Variants in PCDHA10 observed in about 807,000 individuals in gnomAD.
PCDHA10 encodes the protein protocadherin alpha-10.
A neutral mutation model predicts 61.2 loss-of-function variants in PCDHA10; 45 were observed. The ratio of observed to expected loss-of-function variants is 0.74; its 90% CI spans 0.58 to 0.94. PCDHA10 has a LOEUF of 0.94. PCDHA10 is among the 40% of genes least tolerant of loss of function. The pLI is 0.00. For missense variants in PCDHA10, 1,278 were observed against 1,236.2 expected (o/e 1.03, Z -0.51); for synonymous variants, 602 against 548.8 (o/e 1.10, Z -1.35).
At chr5:140,883,759 G>A (rs1554179777) in intron 1 of PCDHA10, 1 of 1,612,704 alleles carries the variant, frequency 6.2e-7, no homozygotes, top group African/African-American at 1.3e-5. Context: ...TGGTGGAGCG[G>A]CGGGTGGGCG....
rs2044426953 is a variant in PCDHA10, at chr5:140,857,218, T to C, written c.1170T>C (p.Pro390=). The C allele has an allele frequency of 6.3e-7, 1 of 1,598,352 alleles. No homozygotes were observed. The highest frequency in any genetic ancestry group is 1.3e-5 in the African/African-American group (1 of 74,276). Residue 390 remains proline, a synonymous_variant, in exon 1 of 4, where the codon CCT becomes CCC. Transcript: ENST00000307360. Reference sequence around the variant, plus strand: ...GACAGGTCACCTGCTCTCTGACGCCTCACGTTCCGTTCAAGCTGGTGTCCA... The same window carrying C: ...GACAGGTCACCTGCTCTCTGACGCCCCACGTTCCGTTCAAGCTGGTGTCCA... ...ANGQVTCSLT[P]HVPFKLVSTY... is the part of the protein sequence containing the mutation.
At chr5:140,894,632 TATC>T (rs1161134901) in intron 1 of PCDHA10, among the ~76,000 whole-genome samples, 1 of 151,990 alleles carries the variant, frequency 6.6e-6, no homozygotes, top group Non-Finnish European at 1.5e-5. Context: ...TCTCCAATCA[TATC>T]ATTACTGAGT....
intron 1 of PCDHA10, chr5:140,871,538 ATTATTTAAAATCCAGTTTTTT>A (rs2053161122): frequency 1.3e-5 from 20 of 1,507,314 alleles, no homozygotes; most frequent in Non-Finnish European, 1.8e-5. Context: ...TGTATGTGAA[ATTATTTAAAATCCAGTTTTTT>A]TTCACGGATT....
rs941007574 is a variant in PCDHA10, at chr5:141,010,090, C to T, written c.*153C>T. 1.9e-6 allele frequency: 3 copies of T among 1,612,518 alleles called. No individual in the cohort carries two copies. Among genetic ancestry groups the T allele is most frequent in the Non-Finnish European group, 2.5e-6 (3 of 1,179,284 alleles). ...AAGTTCCCTGTGTCTGTCTAGAACG[C>T]ATTTAACAGGTTTTGTCGTAAAAGC... is the stretch of plus-strand genomic sequence containing the variant. On this transcript the variant is annotated 3_prime_UTR_variant, in exon 4 of 4. Coordinates refer to ENST00000307360, the MANE Select transcript of PCDHA10 (RefSeq NM_018901.4).
At chr5:140,999,494 C>G (rs2097859711) in intron 3 of PCDHA10, among the ~76,000 whole-genome samples, 1 of 152,064 alleles carries the variant, frequency 6.6e-6, no homozygotes, top group Non-Finnish European at 1.5e-5. Context: ...CTATGTTACC[C>G]AAGAACCTAC....
intron 1 of PCDHA10, chr5:140,861,660 G>A: frequency 3.7e-6 from 1 of 269,190 alleles, no homozygotes; most frequent in Non-Finnish European, 7.4e-6. Context: ...TCTGAAACGA[G>A]AGCTCTTGAT....
intron 1 of PCDHA10, chr5:140,877,387 G>A: frequency 6.2e-7 from 1 of 1,614,010 alleles, no homozygotes; most frequent in Non-Finnish European, 8.5e-7. Flanking sequence ...CATCCTGGAT[G>A]AGGCGGACGC....
chr5:140,928,770 C>A, intron 1 of PCDHA10: 4 of 1,614,106 alleles, frequency 2.5e-6, no homozygotes, highest in Non-Finnish European at 2.5e-6. Context: ...TAGTTCTTCC[C>A]ACTGATGCAG....
chr5:140,975,630 G>A (rs182087841), intron 1 of PCDHA10, among the ~76,000 whole-genome samples: 16 of 152,316 alleles, frequency 1.1e-4, no homozygotes, highest in Admixed American at 3.3e-4. Flanking sequence ...TCCATGGTAC[G>A]AAGATAGCAT....
At position 140,857,918 on chromosome 5, in the gene PCDHA10, G is replaced by A; in HGVS notation, c.1870G>A (p.Gly624Arg). 3.1e-6 allele frequency: 5 copies of A among 1,597,824 alleles called. No individual in the cohort carries two copies. Among genetic ancestry groups the A allele is most frequent in the Non-Finnish European group, 4.3e-6 (5 of 1,167,518 alleles). ...AVGARIPFRVGLYTGEISTTR... is the reference protein window; with the variant it reads ...AVGARIPFRVRLYTGEISTTR... Reference sequence around the variant, plus strand: ...TGGTGCACGCATCCCGTTTCGCGTGGGGCTGTACACGGGCGAGATCAGTAC... The same window carrying A: ...TGGTGCACGCATCCCGTTTCGCGTGAGGCTGTACACGGGCGAGATCAGTAC... Residue 624 changes from glycine (G) to arginine (R), a missense_variant, in exon 1 of 4, where the codon GGG becomes AGG. Gly to Arg is a moderately radical substitution (Grantham distance 125, BLOSUM62 -2). Coordinates refer to ENST00000307360, the MANE Select transcript of PCDHA10 (RefSeq NM_018901.4).
intron 1 of PCDHA10, among the ~76,000 whole-genome samples, chr5:140,976,091 C>CAACTTTTCAA (rs2096700073): frequency 6.6e-6 from 1 of 152,166 alleles, no homozygotes; most frequent in Non-Finnish European, 1.5e-5. Flanking sequence ...TATCAGTAGT[C>CAACTTTTCAA]AACTTTTCAA....
chr5:140,980,628 CAGA>C (rs1554242055), intron 2 of PCDHA10, among the ~76,000 whole-genome samples: 1 of 150,868 alleles, frequency 6.6e-6, no homozygotes, highest in Non-Finnish European at 1.5e-5. Flanking sequence ...GACTCTGTCT[CAGA>C]AGAATAAATA....
In PCDHA10 at chr5:140,993,461, CT is replaced by C. The variant is rs1554253717; in HGVS notation, c.2536+10899del. 2.8e-3 allele frequency among the ~76,000 whole-genome samples: 284 copies of C among 103,272 alleles called. 3 individuals are homozygous for C. Among genetic ancestry groups the C allele is most frequent in the African/African-American group, 0.011 (251 of 22,630 alleles). 67.8% of individuals were successfully genotyped at this position (103,272 alleles called of 152,430 possible). ...TCATTCCTGTTCTCCTTCTTTCTTTCTCACACACACACACACACACACACAC... is the reference window on the plus strand; with the variant it reads ...TCATTCCTGTTCTCCTTCTTTCTTTCCACACACACACACACACACACACAC... On this transcript the variant is annotated intron_variant, in intron 3 of 3. Coordinates refer to ENST00000307360, the MANE Select transcript of PCDHA10 (RefSeq NM_018901.4).
At chr5:140,997,504 C>T (rs2097772452) in intron 3 of PCDHA10, among the ~76,000 whole-genome samples, 1 of 152,042 alleles carries the variant, frequency 6.6e-6, no homozygotes, top group South Asian at 2.1e-4. Flanking sequence ...TCTCAACATA[C>T]CTAAACGCAG....
intron 1 of PCDHA10, among the ~76,000 whole-genome samples, chr5:140,963,686 G>A (rs181667037): frequency 2.7e-4 from 41 of 152,226 alleles, no homozygotes; most frequent in Middle Eastern, 3.4e-3. Flanking sequence ...GTGTTTATCC[G>A]TGTTTGATAT....
chr5:141,003,708 A>T (rs1251126675), intron 3 of PCDHA10, among the ~76,000 whole-genome samples: 1 of 152,218 alleles, frequency 6.6e-6, no homozygotes, highest in Non-Finnish European at 1.5e-5. Flanking sequence ...CCAATTGTGA[A>T]GATATCGGCT....
At chr5:140,872,472 A>T (rs1251918712) in intron 1 of PCDHA10, among the ~76,000 whole-genome samples, 1 of 152,106 alleles carries the variant, frequency 6.6e-6, no homozygotes, top group South Asian at 2.1e-4. Context: ...ATAAAAAATT[A>T]AAAAATTAGC....
At chr5:140,871,567 A>AT (rs1441824086) in intron 1 of PCDHA10, 49 of 1,482,936 alleles carry the variant, frequency 3.3e-5, no homozygotes, top group Non-Finnish European at 3.9e-5. Flanking sequence ...TTTTTCACGG[A>AT]TTTTTTAAGG....
chr5:140,900,644 C>G (rs1554189317), intron 1 of PCDHA10, among the ~76,000 whole-genome samples: 1 of 152,180 alleles, frequency 6.6e-6, no homozygotes. Context: ...ATTGTGAACA[C>G]TGCTGCAATG....
Sources: allele counts gnomAD v4.1 joint callset (sites outside exome capture counted in the v4.1 genomes callset), GRCh38; gene constraint gnomAD v4.1.1; transcripts MANE v1.5; gene names NCBI Gene and HGNC (gene_info 2026-07-23, HGNC 2026-07-21).